The following GZMM variants were observed in gnomAD, a reference collection of about 807,000 sequenced individuals.
GZMM encodes the protein HU-Met-1.
In GZMM, 23 loss-of-function variants were observed where a neutral mutation model predicts 19.2. The ratio of observed to expected loss-of-function variants is 1.20; its 90% CI spans 0.86 to 1.69. GZMM has a LOEUF of 1.69. GZMM is among the 40% of genes most tolerant of loss of function. The pLI is 0.00. For missense variants in GZMM, 373 were observed against 352.2 expected, an observed-to-expected ratio of 1.06 and a Z score of -0.47; for synonymous variants, 178 against 160.2, an observed-to-expected ratio of 1.11 and a Z score of -0.84.
intron 2 of GZMM, among the ~76,000 whole-genome samples, chr19:547,917 A>G (rs1980350295): frequency 6.6e-6 from 1 of 152,164 alleles, no homozygotes. Context: ...GCCCTACCTC[A>G]GGACTGGTCC....
intron 1 of GZMM, among the ~76,000 whole-genome samples, chr19:544,709 C>T (rs1980191535): frequency 5.1e-5 from 1 of 19,612 alleles, no homozygotes; most frequent in South Asian, 9.3e-4. Flanking sequence ...GTCCATCATC[C>T]CTCCCTCCCT....
At chr19:544,601 C>G (rs951590197) in intron 1 of GZMM, among the ~76,000 whole-genome samples, 1 of 152,042 alleles carries the variant, frequency 6.6e-6, no homozygotes, top group African/African-American at 2.4e-5. Flanking sequence ...GACAGGGGCT[C>G]TTGATGAGTT....
chr19:545,599 G>C (rs1003930882), intron 1 of GZMM, among the ~76,000 whole-genome samples: 1 of 151,542 alleles, frequency 6.6e-6, no homozygotes, highest in African/African-American at 2.4e-5. Flanking sequence ...CGCCTGCCTC[G>C]GCCTCCCAAA....
chr19:548,010 C>T (rs147718641), intron 2 of GZMM, among the ~76,000 whole-genome samples: 92 of 152,264 alleles, frequency 6.0e-4, no homozygotes, highest in East Asian at 2.7e-3. Flanking sequence ...TAGGAGGAGG[C>T]CTGGCTTCAG....
At chr19:544,231 C>G in intron 1 of GZMM, 105 bp downstream of exon 1, 1 of 921,688 alleles carries the variant, frequency 1.1e-6, no homozygotes, top group African/African-American at 1.6e-5. Context: ...GGTGTAAGAG[C>G]GGAGATTCAT....
intron 2 of GZMM, among the ~76,000 whole-genome samples, chr19:547,927 C>T (rs527942708): frequency 9.9e-5 from 15 of 152,244 alleles, no homozygotes; most frequent in African/African-American, 3.4e-4. Context: ...AGGACTGGTC[C>T]GTCATACAGA....
chr19:549,531 T>C, intron 4 of GZMM, 99 bp from the exon 5 acceptor site: 3 of 1,266,724 alleles, frequency 2.4e-6, no homozygotes, highest in Non-Finnish European at 3.2e-6. Flanking sequence ...TCCTTGAGCC[T>C]GGGGATAACA....
chr19:549,746 G>A lies in GZMM; in HGVS notation c.729G>A (p.Ala243=), dbSNP rs530579163. Residue 243 remains alanine (A), a synonymous_variant, in exon 5 of 5, where the codon GCG becomes GCA. Coordinates refer to ENST00000264553, the MANE Select transcript of GZMM (RefSeq NM_005317.4). ...AGCCTCCCGTGGCCACCGCTGTGGCGCCTTACGTGTCCTGGATCAGGAAGG... is the reference window on the plus strand; with the variant it reads ...AGCCTCCCGTGGCCACCGCTGTGGCACCTTACGTGTCCTGGATCAGGAAGG... ...IFKPPVATAV[A]PYVSWIRKVT... 1.7e-5 allele frequency: 27 copies of A among 1,613,532 alleles called. 1 individual carries two copies. The highest frequency in any genetic ancestry group is 3.3e-4 in the Middle Eastern group (2 of 6,052).
rs767100829 is a variant in GZMM at position 549,072 on chromosome 19, G to A, written c.499G>A (p.Asp167Asn). 6 of 1,590,778 alleles carry A rather than the reference G, an allele frequency of 3.8e-6. No individual in the cohort carries two copies. The highest frequency in any genetic ancestry group is 5.1e-6 in the Non-Finnish European group (6 of 1,170,110). The stretch of plus-strand genomic sequence containing the variant: ...CCTGTCCCGGGTGCTGCGGGAGCTG[G>A]ACCTCCAAGTGCTGGACACCCGCAT... The part of the protein sequence containing the change: ...GRLSRVLREL[D>N]LQVLDTRMCN... The change falls in exon 4 of 5, where the codon GAC (aspartate) becomes AAC (asparagine). Residue 167 changes from aspartate (D) to asparagine (N), a missense_variant. Coordinates refer to ENST00000264553, the MANE Select transcript of GZMM (RefSeq NM_005317.4).
In GZMM at chr19:547,306, G is replaced by A. The variant is rs556484742; in HGVS notation, c.82G>A (p.Gly28Arg). 22 of 1,554,694 alleles carry A rather than the reference G, an allele frequency of 1.4e-5. No homozygotes were observed. The African/African-American group carries it at 1.5e-4, about 11-fold the overall frequency. The change falls in exon 2 of 5, where the codon GGG (glycine) becomes AGG (arginine). Residue 28 changes from glycine (G) to arginine (R), a missense_variant. Coordinates refer to ENST00000264553, the MANE Select transcript of GZMM (RefSeq NM_005317.4). ...CAGCTCCTTTGGGACCCAGATCATC[G>A]GGGGCCGGGAGGTGATCCCCCACTC... ...VGSSFGTQII[G>R]GREVIPHSRP... is the part of the protein sequence containing the mutation.
Position 548,666 on chromosome 19 carries a change from G to A in GZMM, c.337G>A (p.Ala113Thr), listed in dbSNP as rs567821723. The change falls in exon 3 of 5, where the codon GCG becomes ACG. Residue 113 changes from alanine (A) to threonine (T), a missense_variant. By Grantham distance (58) the Ala-to-Thr change is moderately conservative (BLOSUM62 0). Coordinates refer to ENST00000264553, the MANE Select transcript of GZMM (RefSeq NM_005317.4). ...CGTCCCTGCCCTGGAGAACGACCTC[G>A]CGCTGCTTCAGGTGTGCAGGGACGG... ...KPVPALENDL[A>T]LLQLDGKVKP... The A allele has an allele frequency of 2.2e-5, 35 of 1,612,992 alleles. 1 individual carries two copies. Among genetic ancestry groups the A allele is most frequent in the South Asian group, 7.7e-5 (7 of 91,082 alleles).
Position 547,405 on chromosome 19 carries a change from G to T in GZMM, c.181G>T (p.Val61Leu). 1 of 1,502,596 alleles carries T rather than the reference G, an allele frequency of 6.7e-7. No homozygotes were observed. Among genetic ancestry groups the T allele is most frequent in the Non-Finnish European group, 8.9e-7 (1 of 1,124,892 alleles). The allele number at this position is 1,502,596 out of a possible 1,614,324, so 93.1% of individuals were successfully genotyped here. A position where few individuals can be genotyped will look rare whatever the true frequency, so the allele number is the denominator to read the frequency against. ...GGGTGTCCTGGTGCACCCAAAGTGG[G>T]TGCTGACGGCTGCCCACTGCCTGGC... ...CGGVLVHPKW[V>L]LTAAHCLAQR... Residue 61 changes from valine (V) to leucine (L), a missense_variant, in exon 2 of 5, where the codon GTG becomes TTG. Physicochemically the swap from Val to Leu is conservative, Grantham distance 32. Transcript: ENST00000264553.
chr19:549,036 C>A lies in GZMM; in HGVS notation c.463C>A (p.Gln155Lys). 1 of 1,599,510 alleles carries A rather than the reference C, an allele frequency of 6.3e-7. No homozygotes were observed. The highest frequency in any genetic ancestry group is 8.5e-7 in the Non-Finnish European group (1 of 1,174,746). Residue 155 changes from glutamine (Q) to lysine (K), a missense_variant, in exon 4 of 5, where the codon CAG becomes AAG. By Grantham distance (53) the Gln-to-Lys change is moderately conservative (BLOSUM62 1). Transcript: ENST00000264553. ...CATGGCCGGCTGGGGGCTGACCCACCAGGGCGGGCGCCTGTCCCGGGTGCT... is the reference window on the plus strand; with the variant it reads ...CATGGCCGGCTGGGGGCTGACCCACAAGGGCGGGCGCCTGTCCCGGGTGCT... ...CSMAGWGLTH[Q>K]GGRLSRVLRE...
chr19:549,662 A>G lies in GZMM; in HGVS notation c.645A>G (p.Lys215=). 6.2e-7 allele frequency: 1 copy of G among 1,613,540 alleles called. No homozygotes were observed. Among genetic ancestry groups the G allele is most frequent in the Non-Finnish European group, 8.5e-7 (1 of 1,179,878 alleles). The change falls in exon 5 of 5, where the codon AAA becomes AAG. Residue 215 remains lysine (K), a synonymous_variant. Coordinates refer to ENST00000264553, the MANE Select transcript of GZMM (RefSeq NM_005317.4). The part of the protein sequence containing the change: ...GDSGGPLVCG[K]GRVLARVLSF... ...CGGGCGGGCCCCTGGTGTGTGGCAA[A>G]GGCCGGGTGTTGGCCAGAGTCCTGT...
At chr19:548,437 G>C in intron 2 of GZMM, 105 bp from the exon 3 acceptor site, 1 of 1,152,250 alleles carries the variant, frequency 8.7e-7, no homozygotes, top group Non-Finnish European at 1.2e-6. Context: ...GGCAGCGGCT[G>C]TGAGTGATGG....
At chr19:544,804 A>G (rs60455492) in intron 1 of GZMM, among the ~76,000 whole-genome samples, 1 of 112,042 alleles carries the variant, frequency 8.9e-6, no homozygotes, top group Non-Finnish European at 1.8e-5. Flanking sequence ...CCACCCACCC[A>G]TCCATCATCC....
intron 1 of GZMM, among the ~76,000 whole-genome samples, chr19:545,492 C>CAT (rs1204387135): frequency 5.3e-5 from 8 of 151,172 alleles, no homozygotes; most frequent in Middle Eastern, 3.4e-3. Flanking sequence ...GGATTACAGG[C>CAT]GCCTGCCACC....
At chr19:546,992 C>A (rs927437676) in intron 1 of GZMM, among the ~76,000 whole-genome samples, 1 of 149,368 alleles carries the variant, frequency 6.7e-6, no homozygotes, top group Non-Finnish European at 1.5e-5. Context: ...GCCTGATGTG[C>A]GTTTTGAAGG....
Position 547,269 on chromosome 19 carries a change from C to T in GZMM, c.56-11C>T. ...AGCCCCAACCTGGCTCTTTGTCCCCCATCCTGGCAGGCAGCTCCTTTGGGA... is the reference window on the plus strand; with the variant it reads ...AGCCCCAACCTGGCTCTTTGTCCCCTATCCTGGCAGGCAGCTCCTTTGGGA... On this transcript the variant is annotated splice_polypyrimidine_tract_variant and intron_variant, in intron 1 of 4. Coordinates refer to ENST00000264553, the MANE Select transcript of GZMM (RefSeq NM_005317.4). 1 of 1,499,302 alleles carries T rather than the reference C, an allele frequency of 6.7e-7. No individual in the cohort carries two copies. Among genetic ancestry groups the T allele is most frequent in the Non-Finnish European group, 8.9e-7 (1 of 1,122,632 alleles). 92.9% of individuals were successfully genotyped at this position (1,499,302 alleles called of 1,614,324 possible). A position where few individuals can be genotyped will look rare whatever the true frequency, so the allele number is the denominator to read the frequency against.
Sources: gnomAD v4.1 joint callset for allele counts (sites outside exome capture counted in the v4.1 genomes callset) on GRCh38, gnomAD v4.1.1 for gene constraint, MANE v1.5 for transcripts, NCBI Gene and HGNC (gene_info 2026-07-23, HGNC 2026-07-21) for gene names.